COX7A2L: variants seen among roughly 807,000 people sequenced by gnomAD.
COX7A2L encodes the protein cytochrome c oxidase subunit 7A2 like, also known as cytochrome c oxidase subunit 7A2-like, mitochondrial.
A neutral mutation model predicts 14.2 loss-of-function variants in COX7A2L; 18 were observed. That is an observed-to-expected ratio of 1.27 (90% CI 0.88 to 1.88). COX7A2L has a LOEUF of 1.88. Ranked by LOEUF, COX7A2L falls within the 40% of genes most tolerant of loss-of-function variation. The pLI is 0.00. For synonymous variants in COX7A2L, 65 were observed against 57.4 expected (o/e 1.13, Z -0.60); for missense variants, 179 against 138.8 (o/e 1.29, Z -1.46).
Position 42,339,142 on chromosome 2 carries a change from A to G in COX7A2L, c.193-5273T>C, listed in dbSNP as rs1670348214. On this transcript the variant is annotated intron_variant, in intron 2 of 2. Transcript: ENST00000468711. This position sits in a 1 kb window ranked among gnomAD's most constrained non-coding sequence, Gnocchi z 5.4. ...GTGGTTTCTATGGGAAACTCTCACA[A>G]TAAAATAGAAGGAAGTTTTTTTAAT... 6.6e-6 allele frequency among the ~76,000 whole-genome samples: 1 copy of G among 152,230 alleles called. No homozygotes were observed. Among genetic ancestry groups the G allele is most frequent in the South Asian group, 2.1e-4 (1 of 4,836 alleles).
At chr2:42,336,591 G>A (rs1057244892) in intron 2 of COX7A2L, among the ~76,000 whole-genome samples, 34 of 152,200 alleles carry the variant, frequency 2.2e-4, no homozygotes, top group Non-Finnish European at 3.8e-4. Context: ...AGACTCCGGA[G>A]CCTGCCACTG....
At chr2:42,336,975 C>G (rs180871156) in intron 2 of COX7A2L, among the ~76,000 whole-genome samples, 1 of 152,134 alleles carries the variant, frequency 6.6e-6, no homozygotes, top group African/African-American at 2.4e-5. Context: ...AGCATACACT[C>G]TAGAAAGGTT....
At chr2:42,359,475 T>C (rs1398797077) in intron 1 of COX7A2L, 1 of 152,188 alleles carries the variant, frequency 6.6e-6, no homozygotes, top group Non-Finnish European at 1.5e-5. Context: ...AGAATACATT[T>C]CATAGAAGCA....
chr2:42,347,490 C>T (rs1164614999), downstream of COX7A2L, among the ~76,000 whole-genome samples: 1 of 151,680 alleles, frequency 6.6e-6, no homozygotes. Flanking sequence ...AACTGAATAC[C>T]CTTCAAAAAG....
intron 2 of COX7A2L, among the ~76,000 whole-genome samples, chr2:42,352,009 C>T (rs923890029): frequency 6.6e-6 from 1 of 152,088 alleles, no homozygotes; most frequent in Non-Finnish European, 1.5e-5. Context: ...GGTGCTGGCA[C>T]GAGAAACGTT....
chr2:42,367,475 A>C (rs1441574769), intron 1 of COX7A2L, among the ~76,000 whole-genome samples: 1 of 152,192 alleles, frequency 6.6e-6, no homozygotes, highest in East Asian at 1.9e-4. Context: ...TAGGAAACAA[A>C]ACCTATAAAG....
chr2:42,336,718 G>A (rs1464691322), intron 2 of COX7A2L, among the ~76,000 whole-genome samples: 1 of 152,206 alleles, frequency 6.6e-6, no homozygotes, highest in Non-Finnish European at 1.5e-5. Flanking sequence ...ATTGACAAAT[G>A]CAAGCCAGAT....
At chr2:42,335,694 T>A (rs990800659) in intron 2 of COX7A2L, among the ~76,000 whole-genome samples, 1 of 152,238 alleles carries the variant, frequency 6.6e-6, no homozygotes, top group Non-Finnish European at 1.5e-5. Flanking sequence ...TACTCCCGCC[T>A]CCGGAGTCCG....
chr2:42,360,951 G>A (rs1671011482), intron 1 of COX7A2L, 139 bp downstream of exon 1: 2 of 824,022 alleles, frequency 2.4e-6, no homozygotes, highest in South Asian at 2.9e-5. Flanking sequence ...GGTGTGGAGA[G>A]GCCCCGGGAG....
At chr2:42,345,334 G>T (rs945220163), downstream of COX7A2L, among the ~76,000 whole-genome samples, 1 of 152,172 alleles carries the variant, frequency 6.6e-6, no homozygotes, top group Non-Finnish European at 1.5e-5. Flanking sequence ...AGTGAGCCGA[G>T]AATGTACCAT....
intron 2 of COX7A2L, among the ~76,000 whole-genome samples, chr2:42,351,722 C>T (rs1294648335): frequency 6.6e-6 from 1 of 152,132 alleles, no homozygotes; most frequent in Non-Finnish European, 1.5e-5. Context: ...ACCTGTAATC[C>T]CAGCACTTTG....
downstream of COX7A2L, among the ~76,000 whole-genome samples, chr2:42,348,730 T>A (rs6726108): frequency 0.48 from 73,064 of 151,894 alleles, 18,130 homozygotes; most frequent in East Asian, 0.73. Context: ...CATCTTGGCC[T>A]ACATGGTGAA....
chr2:42,341,515 G>A (rs567687186), intron 2 of COX7A2L, among the ~76,000 whole-genome samples: 1 of 152,266 alleles, frequency 6.6e-6, no homozygotes. Flanking sequence ...GTTCAATCTA[G>A]CCAGCAGTGC....
intron 2 of COX7A2L, among the ~76,000 whole-genome samples, chr2:42,337,511 G>A (rs1416764682): frequency 2.6e-5 from 4 of 152,070 alleles, no homozygotes; most frequent in African/African-American, 7.2e-5. Flanking sequence ...TTCCTCTGCA[G>A]TGACGATGAG....
intron 2 of COX7A2L, among the ~76,000 whole-genome samples, chr2:42,340,952 C>T (rs1670392382): frequency 6.6e-6 from 1 of 152,314 alleles, no homozygotes; most frequent in South Asian, 2.1e-4. Flanking sequence ...TCTGTTCAGA[C>T]CTGGAGCCAA....
Position 42,355,758 on chromosome 2 carries a change from C to T in COX7A2L, c.73-2415G>A, listed in dbSNP as rs1670797702. 4.2e-5 allele frequency among the ~76,000 whole-genome samples: 5 copies of T among 119,216 alleles called. No homozygotes were observed. In the South Asian group the frequency reaches 1.3e-3, roughly 31 times the overall value. The allele number at this position is 119,216 out of a possible 152,430, so 78.2% of individuals were successfully genotyped here. On this transcript the variant is annotated intron_variant, in intron 1 of 2. Coordinates refer to ENST00000234301, the MANE Select transcript of COX7A2L (RefSeq NM_004718.4). ...TTTTTTTTTTTGAGACGGAATCTCG[C>T]TCTGTTGCCCTGGCTGGAGTGCAGT...
At chr2:42,340,805 A>G (rs1387975393) in intron 2 of COX7A2L, among the ~76,000 whole-genome samples, 4 of 152,130 alleles carry the variant, frequency 2.6e-5, no homozygotes, top group Non-Finnish European at 5.9e-5. Context: ...TGTGCTCATC[A>G]TTCTGCAAGC....
chr2:42,351,323 G>T lies in COX7A2L; in HGVS notation c.241C>A (p.Leu81Met), dbSNP rs1312408987. Residue 81 changes from leucine (L) to methionine (M), a missense_variant, in exon 3 of 3, where the codon CTG becomes ATG. By Grantham distance (15) the Leu-to-Met change is conservative (BLOSUM62 2). Transcript: ENST00000234301. ...GTCCGGTAAAGCATTTGGTCAGGCA[G>T]GCCTCGTTTCAGGTAGACGGGCACA... is the stretch of plus-strand genomic sequence containing the variant. The part of the protein sequence containing the change: ...DGVPVYLKRG[L>M]PDQMLYRTTM... The T allele has an allele frequency of 2.5e-6, 4 of 1,614,016 alleles. No homozygotes were observed. In the South Asian group the frequency reaches 3.3e-5, roughly 13 times the overall value.
intron 1 of COX7A2L, among the ~76,000 whole-genome samples, chr2:42,353,646 A>AT (rs1177291069): frequency 6.6e-6 from 1 of 152,084 alleles, no homozygotes; most frequent in South Asian, 2.1e-4. Context: ...TCTGTCTGCC[A>AT]TTTTTTTCTT....
Sources: allele counts gnomAD v4.1 joint callset (sites outside exome capture counted in the v4.1 genomes callset), GRCh38; gene constraint gnomAD v4.1.1; non-coding constraint Gnocchi (gnomAD v3.1); transcripts MANE v1.5; gene names NCBI Gene and HGNC (gene_info 2026-07-23, HGNC 2026-07-21).